Variants in SAMD3 observed in about 807,000 individuals in gnomAD.
The protein encoded by SAMD3 is sterile alpha motif domain-containing protein 3.
SAMD3 carries 63 observed loss-of-function variants against 58.5 expected under a neutral mutation model. The ratio of observed to expected loss-of-function variants is 1.08; its 90% CI spans 0.88 to 1.33. The LOEUF is 1.33. Ranked by LOEUF, SAMD3 falls within the 40% of genes most tolerant of loss-of-function variation. The pLI, the probability that SAMD3 is intolerant of heterozygous loss-of-function variation, is 0.00. For synonymous variants in SAMD3, 220 were observed against 210.3 expected (o/e 1.05, Z -0.40); for missense variants, 604 against 608.4 (o/e 0.99, Z 0.08).
intron 4 of SAMD3, among the ~76,000 whole-genome samples, chr6:130,212,293 C>A (rs1461904505): frequency 1.3e-5 from 2 of 152,160 alleles, no homozygotes; most frequent in Admixed American, 6.5e-5. Flanking sequence ...TCTCTTCTCA[C>A]ATGCAATTGT....
chr6:130,291,354 C>T (rs879369616), intron 2 of SAMD3, among the ~76,000 whole-genome samples: 1 of 152,190 alleles, frequency 6.6e-6, no homozygotes, highest in Non-Finnish European at 1.5e-5. Flanking sequence ...ATCCACTCGT[C>T]TTAGCCTTCC....
intron 2 of SAMD3, among the ~76,000 whole-genome samples, chr6:130,277,314 T>C (rs12200674): frequency 6.6e-6 from 1 of 152,042 alleles, no homozygotes; most frequent in African/African-American, 2.4e-5. Flanking sequence ...TTAAACTATA[T>C]ACTACATTCC....
intron 1 of SAMD3, among the ~76,000 whole-genome samples, chr6:130,337,241 T>C (rs1295610438): frequency 6.6e-6 from 1 of 152,070 alleles, no homozygotes; most frequent in Non-Finnish European, 1.5e-5. Context: ...ATTTGATGGT[T>C]TTATAAGTGT....
At chr6:130,267,643 C>A (rs778301843) in intron 2 of SAMD3, among the ~76,000 whole-genome samples, 4 of 152,184 alleles carry the variant, frequency 2.6e-5, no homozygotes, top group Non-Finnish European at 5.9e-5. Flanking sequence ...TAAAACCAGG[C>A]CTGGGCCTGC....
intron 2 of SAMD3, among the ~76,000 whole-genome samples, chr6:130,306,305 A>T (rs967668310): frequency 1.3e-5 from 2 of 152,234 alleles, no homozygotes; most frequent in African/African-American, 2.4e-5. Flanking sequence ...TAAAACAGGA[A>T]ATTAAATTTA....
rs1217324199 is a variant in SAMD3, at chr6:130,146,180, A to G, written c.1025T>C (p.Met342Thr). ...LFPFLKCPYQ[M>T]FREFQLLTRT... ...TGTAAGAAGTTGGAATTCTCTGAACATCTGACAAAAGAAGAAAGCAATGGA... is the reference window on the plus strand; with the variant it reads ...TGTAAGAAGTTGGAATTCTCTGAACGTCTGACAAAAGAAGAAAGCAATGGA... The change falls in exon 10 of 12, where the codon ATG (methionine) becomes ACG (threonine). Residue 342 changes from methionine (M) to threonine (T), a missense_variant and splice_region_variant. Met to Thr is a moderately conservative substitution (Grantham distance 81, BLOSUM62 -1). Coordinates refer to ENST00000439090, the MANE Select transcript of SAMD3 (RefSeq NM_001017373.4). The G allele has an allele frequency of 6.4e-7, 1 of 1,563,932 alleles. No homozygotes were observed. Among genetic ancestry groups the G allele is most frequent in the Admixed American group, 1.9e-5 (1 of 52,462 alleles).
intron 1 of SAMD3, among the ~76,000 whole-genome samples, chr6:130,317,107 C>A (rs1015147333): frequency 6.6e-6 from 1 of 152,140 alleles, no homozygotes; most frequent in Admixed American, 6.5e-5. Context: ...CTAGTAGGCA[C>A]CACCAGCTAT....
chr6:130,178,627 G>A lies in SAMD3; in HGVS notation c.655-2619C>T, dbSNP rs143887675. 2.0e-3 allele frequency among the ~76,000 whole-genome samples: 302 copies of A among 152,282 alleles called. 2 individuals carry two copies. The highest frequency in any genetic ancestry group is 6.9e-3 in the African/African-American group (288 of 41,566). ...CCCTGAAAGCACCATAGCCTAAGTT[G>A]GGAAGACTGCAGGTCCAAGTACTAG... On this transcript the variant is annotated intron_variant, in intron 7 of 11. Transcript: ENST00000439090.
intron 5 of SAMD3, among the ~76,000 whole-genome samples, chr6:130,196,977 C>G (rs6909802): frequency 0.76 from 114,772 of 151,558 alleles, 43,770 homozygotes; most frequent in African/African-American, 0.84. Flanking sequence ...TTTTCAGGCT[C>G]TTAGTATTCA....
intron 2 of SAMD3, among the ~76,000 whole-genome samples, chr6:130,303,154 G>C (rs1333913591): frequency 6.6e-6 from 1 of 152,002 alleles, no homozygotes; most frequent in Non-Finnish European, 1.5e-5. Flanking sequence ...TGCTCTCTTC[G>C]GTACCTTTCC....
intron 5 of SAMD3, among the ~76,000 whole-genome samples, chr6:130,188,489 G>A (rs938604130): frequency 6.6e-6 from 1 of 152,126 alleles, no homozygotes; most frequent in African/African-American, 2.4e-5. Flanking sequence ...ATGTGGTCTC[G>A]GCAAAGATGT....
intron 11 of SAMD3, 104 bp downstream of exon 11, chr6:130,145,236 C>T: frequency 1.9e-6 from 1 of 535,984 alleles, no homozygotes; most frequent in East Asian, 3.4e-5. Flanking sequence ...CCAGCCTGGG[C>T]AAAAGAGTGA....
At chr6:130,283,388 T>A (rs1468263549) in intron 2 of SAMD3, among the ~76,000 whole-genome samples, 1 of 152,166 alleles carries the variant, frequency 6.6e-6, no homozygotes, top group African/African-American at 2.4e-5. Context: ...AATCCTTAGA[T>A]TAAGGCAACA....
intron 7 of SAMD3, among the ~76,000 whole-genome samples, chr6:130,181,583 A>C (rs1792335412): frequency 6.6e-6 from 1 of 152,188 alleles, no homozygotes; most frequent in Non-Finnish European, 1.5e-5. Context: ...AGAGCAAAGA[A>C]AGCATTATTT....
At chr6:130,220,875 T>TA in intron 1 of SAMD3, among the ~76,000 whole-genome samples, 1 of 151,958 alleles carries the variant, frequency 6.6e-6, no homozygotes, top group East Asian at 1.9e-4. Flanking sequence ...TTTTTTTTTT[T>TA]GACAGTCTCG....
In SAMD3 at chr6:130,323,802, C is replaced by CAAAAAAAAAA. The variant is rs766078214; in HGVS notation, c.-303-10719_-303-10710dup. Among the ~76,000 whole-genome samples, 147 of 53,534 alleles carry CAAAAAAAAAA rather than the reference C, an allele frequency of 2.7e-3. 7 individuals carry two copies. Among genetic ancestry groups the CAAAAAAAAAA allele is most frequent in the Non-Finnish European group, 3.9e-3 (118 of 30,640 alleles). 35.1% of individuals were successfully genotyped at this position (53,534 alleles called of 152,430 possible). On this transcript the variant is annotated intron_variant, in intron 1 of 13. Transcript: ENST00000368134. ...TGGGTCACAGAGGTAGACTCTGTCT[C>CAAAAAAAAAA]AAAAAAAAAAAAAAAAAAAAAAAGA...
At chr6:130,278,169 C>G (rs1308237155) in intron 2 of SAMD3, among the ~76,000 whole-genome samples, 1 of 152,122 alleles carries the variant, frequency 6.6e-6, no homozygotes, top group East Asian at 1.9e-4. Flanking sequence ...CTGGCTCATC[C>G]AATCTTGTGG....
intron 2 of SAMD3, among the ~76,000 whole-genome samples, chr6:130,232,359 G>C (rs915124499): frequency 6.6e-6 from 1 of 152,164 alleles, no homozygotes; most frequent in Non-Finnish European, 1.5e-5. Context: ...ATCGAGTTCA[G>C]TTACCGTCAG....
intron 2 of SAMD3, among the ~76,000 whole-genome samples, chr6:130,256,973 C>A (rs1236645489): frequency 6.6e-6 from 1 of 152,158 alleles, no homozygotes; most frequent in African/African-American, 2.4e-5. Flanking sequence ...AAAATATTTT[C>A]TGTGTCCTTG....
Sources: gnomAD v4.1 joint callset for allele counts (sites outside exome capture counted in the v4.1 genomes callset) on GRCh38, gnomAD v4.1.1 for gene constraint, MANE v1.5 for transcripts, NCBI Gene and HGNC (gene_info 2026-07-23, HGNC 2026-07-21) for gene names.